The following FHIT variants were observed in gnomAD, a reference collection of about 807,000 sequenced individuals.
FHIT encodes bis(5'-adenosyl)-triphosphatase.
FHIT carries 19 observed loss-of-function variants against 17.9 expected under a neutral mutation model. The ratio of observed to expected loss-of-function variants is 1.06; its 90% confidence interval spans 0.74 to 1.56. FHIT has a LOEUF of 1.56. Among genes scored for constraint, FHIT ranks in the 40% most tolerant of loss-of-function variants. FHIT has a pLI of 0.00. For synonymous variants in FHIT, 81 were observed against 69.7 expected, an observed-to-expected ratio of 1.16 and a Z score of -0.81; for missense variants, 248 against 189.2, an observed-to-expected ratio of 1.31 and a Z score of -1.82.
chr3:60,381,112 A>G, intron 5 of FHIT, among the ~76,000 whole-genome samples: 1 of 152,148 alleles, frequency 6.6e-6, no homozygotes, highest in Non-Finnish European at 1.5e-5. Context: ...TTACCCATAT[A>G]TTGTATTCCC....
chr3:60,235,086 A>G (rs1328461106), intron 5 of FHIT, among the ~76,000 whole-genome samples: 1 of 151,988 alleles, frequency 6.6e-6, no homozygotes, highest in Non-Finnish European at 1.5e-5. Context: ...TCACATCCAA[A>G]CTCAAACATC....
chr3:60,569,183 A>C (rs1369759479), intron 4 of FHIT, among the ~76,000 whole-genome samples: 1 of 152,132 alleles, frequency 6.6e-6, no homozygotes, highest in East Asian at 1.9e-4. Flanking sequence ...CATTTCAGGC[A>C]GTATCTTTAA....
chr3:61,114,683 C>A (rs140854395), intron 2 of FHIT, among the ~76,000 whole-genome samples: 301 of 152,270 alleles, frequency 2.0e-3, no homozygotes, highest in Non-Finnish European at 3.8e-3. Flanking sequence ...ACCTTTGACC[C>A]TGTCCTGTTA....
At chr3:60,982,057 G>T (rs2107557234) in intron 3 of FHIT, among the ~76,000 whole-genome samples, 1 of 152,264 alleles carries the variant, frequency 6.6e-6, no homozygotes, top group African/African-American at 2.4e-5. Flanking sequence ...CTAATGTCCT[G>T]CTTCCACTCT....
At chr3:60,798,647 C>A (rs1701074284) in intron 4 of FHIT, among the ~76,000 whole-genome samples, 1 of 151,984 alleles carries the variant, frequency 6.6e-6, no homozygotes, top group South Asian at 2.1e-4. Context: ...GAGACAAAGG[C>A]CCTACTGTCT....
intron 1 of FHIT, among the ~76,000 whole-genome samples, chr3:61,235,444 G>C (rs888835642): frequency 6.6e-6 from 1 of 152,058 alleles, no homozygotes; most frequent in African/African-American, 2.4e-5. Context: ...AAAAAGTAAG[G>C]TCTCTTTTAA....
intron 5 of FHIT, among the ~76,000 whole-genome samples, chr3:60,254,537 C>A (rs936108270): frequency 2.6e-5 from 4 of 152,076 alleles, no homozygotes; most frequent in African/African-American, 7.2e-5. Flanking sequence ...TGTTCTATTC[C>A]TCTAACAAAA....
chr3:61,074,727 ATATTCATTTTGGTGAGCC>A (rs2034918450), intron 2 of FHIT, among the ~76,000 whole-genome samples: 2 of 152,158 alleles, frequency 1.3e-5, no homozygotes, highest in Non-Finnish European at 2.9e-5. Context: ...TCAAAGACAA[ATATTCATTTTGGTGAGCC>A]TTGATCATAA....
At chr3:59,842,703 A>G (rs1575577574) in intron 8 of FHIT, among the ~76,000 whole-genome samples, 1 of 152,284 alleles carries the variant, frequency 6.6e-6, no homozygotes, top group East Asian at 1.9e-4. Context: ...ACACTTGTAC[A>G]TCTTCTCTGG....
intron 8 of FHIT, among the ~76,000 whole-genome samples, chr3:59,892,605 CA>C (rs1458818653): frequency 6.6e-6 from 1 of 152,134 alleles, no homozygotes; most frequent in Non-Finnish European, 1.5e-5. Context: ...AACAAGATTA[CA>C]AAGTAGTATT....
chr3:60,734,492 ACC>A (rs2042095911), intron 4 of FHIT, among the ~76,000 whole-genome samples: 1 of 152,090 alleles, frequency 6.6e-6, no homozygotes, highest in Non-Finnish European at 1.5e-5. Flanking sequence ...AACCTTTGCC[ACC>A]CAGGCTCAGA....
intron 5 of FHIT, among the ~76,000 whole-genome samples, chr3:60,068,959 A>G (rs1702639041): frequency 6.6e-6 from 1 of 152,234 alleles, no homozygotes; most frequent in Non-Finnish European, 1.5e-5. Flanking sequence ...AGAAGTGGTT[A>G]TATAAATTAT....
chr3:60,625,240 C>T (rs116575747), intron 4 of FHIT, among the ~76,000 whole-genome samples: 2,040 of 152,298 alleles, frequency 0.013, 22 homozygotes, highest in Non-Finnish European at 0.023. Context: ...TTTAATGTTG[C>T]TATGAACATT....
At chr3:61,092,780 AT>A in intron 2 of FHIT, among the ~76,000 whole-genome samples, 1 of 152,194 alleles carries the variant, frequency 6.6e-6, no homozygotes, top group African/African-American at 2.4e-5. Context: ...TGTTTTGGTA[AT>A]TTTTTTGTGG....
chr3:60,747,301 T>C (rs1310791214), intron 4 of FHIT, among the ~76,000 whole-genome samples: 4 of 152,174 alleles, frequency 2.6e-5, no homozygotes, highest in African/African-American at 9.7e-5. Context: ...TCCTGAATTC[T>C]GAGCTGAGTC....
chr3:60,274,880 T>C (rs1227817825), intron 5 of FHIT, among the ~76,000 whole-genome samples: 1 of 152,158 alleles, frequency 6.6e-6, no homozygotes, highest in Admixed American at 6.5e-5. Context: ...ATAATTGCAA[T>C]AGGAAGTTCT....
chr3:60,671,239 G>A (rs1553693745), intron 4 of FHIT, among the ~76,000 whole-genome samples: 1 of 151,998 alleles, frequency 6.6e-6, no homozygotes. Context: ...CATGTTTTCA[G>A]GGAACCTAAA....
At chr3:60,681,584 G>A (rs1190771874) in intron 4 of FHIT, among the ~76,000 whole-genome samples, 4 of 152,180 alleles carry the variant, frequency 2.6e-5, no homozygotes, top group African/African-American at 9.7e-5. Context: ...TAGCCAAGTT[G>A]TGAATGCAAA....
chr3:59,757,282 C>T (rs1304902575), intron 8 of FHIT, among the ~76,000 whole-genome samples: 2 of 152,178 alleles, frequency 1.3e-5, no homozygotes, highest in African/African-American at 2.4e-5. Flanking sequence ...ATGGCCTCTC[C>T]AAGCAAATTC....
Sources: gnomAD v4.1 joint callset for allele counts (sites outside exome capture counted in the v4.1 genomes callset) on GRCh38, gnomAD v4.1.1 for gene constraint, MANE v1.5 for transcripts, NCBI Gene and HGNC (gene_info 2026-07-23, HGNC 2026-07-21) for gene names.